ITFG1: variants seen among roughly 807,000 people sequenced by gnomAD.
The protein encoded by ITFG1 is T-cell immunomodulatory protein.
Under a neutral mutation model 81.8 loss-of-function variants are expected in ITFG1, and 34 were observed. The ratio of observed to expected loss-of-function variants is 0.42; its 90% CI spans 0.32 to 0.55. The LOEUF is 0.55. Ranked by LOEUF, ITFG1 falls within the 20% of genes least tolerant of loss-of-function variation. The pLI is 0.17. For missense variants in ITFG1, 672 were observed against 755.4 expected (o/e 0.89, Z 1.29); for synonymous variants, 285 against 270.6 (o/e 1.05, Z -0.52).
chr16:47,254,536 C>T (rs749552670), intron 12 of ITFG1, among the ~76,000 whole-genome samples: 9 of 152,068 alleles, frequency 5.9e-5, no homozygotes, highest in Non-Finnish European at 1.3e-4. Context: ...GCAGTGGAGT[C>T]GCAGGCCCTC....
intron 6 of ITFG1, among the ~76,000 whole-genome samples, chr16:47,422,549 T>C (rs913262419): frequency 6.6e-6 from 1 of 152,296 alleles, no homozygotes; most frequent in South Asian, 2.1e-4. Context: ...TTGATTGAAA[T>C]AGTTTCAGAA....
At chr16:47,419,845 C>T (rs562663118) in intron 6 of ITFG1, among the ~76,000 whole-genome samples, 4 of 152,050 alleles carry the variant, frequency 2.6e-5, no homozygotes, top group South Asian at 2.1e-4. Context: ...ACAAGTGATC[C>T]GCCCACCCCG....
At chr16:47,346,021 C>A (rs1347845819) in intron 8 of ITFG1, among the ~76,000 whole-genome samples, 1 of 152,126 alleles carries the variant, frequency 6.6e-6, no homozygotes, top group Non-Finnish European at 1.5e-5. Context: ...ACAAAACAGA[C>A]CTAACAGATA....
chr16:47,218,883 G>T lies in ITFG1; in HGVS notation c.1438C>A (p.Leu480Met). Residue 480 changes from leucine to methionine, a missense_variant, in exon 14 of 18, where the codon CTG becomes ATG. Coordinates refer to ENST00000320640, the MANE Select transcript of ITFG1 (RefSeq NM_030790.5). ...MYTTVDANGY[L>M]KNGSAGQLSQ... ...CTGGTCTTACCTGATCCATTTTTCA[G>T]ATACCCATTTGCATCTACAGTTGTA... 6.3e-7 allele frequency: 1 copy of T among 1,594,544 alleles called. No homozygotes were observed. The highest frequency in any genetic ancestry group is 8.6e-7 in the Non-Finnish European group (1 of 1,169,036).
chr16:47,397,513 A>G (rs1968608043), intron 6 of ITFG1, among the ~76,000 whole-genome samples: 1 of 152,244 alleles, frequency 6.6e-6, no homozygotes, highest in Admixed American at 6.5e-5. Context: ...AGGTAGAACA[A>G]TGATTCTCAA....
At chr16:47,293,797 T>C (rs1966945457) in intron 10 of ITFG1, among the ~76,000 whole-genome samples, 1 of 152,132 alleles carries the variant, frequency 6.6e-6, no homozygotes. Flanking sequence ...TAAAAATATT[T>C]TCTCCCATTT....
rs1964672836 is a variant in ITFG1 at position 47,154,487 on chromosome 16, A to G, written c.*1232T>C. The G allele has an allele frequency of 6.6e-6, 1 of 152,192 alleles. No individual in the cohort carries two copies. The highest frequency in any genetic ancestry group is 6.5e-5 in the Admixed American group (1 of 15,286). The allele number at this position is 152,192 out of a possible 1,614,324, so 9.4% of individuals were successfully genotyped here. Reference sequence around the variant, plus strand: ...TCAGTGAACTATAAAGAAAAAAATAAGAACAAAATTGTTTTCAGAGAAATT... The same window carrying G: ...TCAGTGAACTATAAAGAAAAAAATAGGAACAAAATTGTTTTCAGAGAAATT... On this transcript the variant is annotated 3_prime_UTR_variant, in exon 18 of 18. Coordinates refer to ENST00000320640, the MANE Select transcript of ITFG1 (RefSeq NM_030790.5).
chr16:47,395,733 T>C (rs1473699869), intron 6 of ITFG1, among the ~76,000 whole-genome samples: 1 of 152,240 alleles, frequency 6.6e-6, no homozygotes, highest in Non-Finnish European at 1.5e-5. Context: ...CGGCACCATA[T>C]ACTGTTTTTA....
At chr16:47,316,853 C>A (rs1017788560) in intron 8 of ITFG1, among the ~76,000 whole-genome samples, 1 of 152,154 alleles carries the variant, frequency 6.6e-6, no homozygotes, top group Non-Finnish European at 1.5e-5. Context: ...GAAATAATGT[C>A]TCTTTGTGAG....
At chr16:47,301,521 C>T (rs1027993040) in intron 10 of ITFG1, among the ~76,000 whole-genome samples, 3 of 151,832 alleles carry the variant, frequency 2.0e-5, no homozygotes, top group Non-Finnish European at 2.9e-5. Flanking sequence ...CTCAGCCTCC[C>T]GAGTAGGTGG....
chr16:47,368,237 T>TAAAAA (rs1197857958), intron 7 of ITFG1, among the ~76,000 whole-genome samples: 2 of 77,992 alleles, frequency 2.6e-5, no homozygotes, highest in African/African-American at 4.6e-5. Context: ...CCGTCTCAAT[T>TAAAAA]AAAAAAAAAA....
chr16:47,455,551 T>C (rs1233004734), intron 2 of ITFG1, among the ~76,000 whole-genome samples: 3 of 151,916 alleles, frequency 2.0e-5, no homozygotes, highest in South Asian at 2.1e-4. Context: ...GGTGGATCAC[T>C]TGAGGTCAGG....
At chr16:47,364,840 C>T (rs929861393) in intron 8 of ITFG1, among the ~76,000 whole-genome samples, 3 of 152,162 alleles carry the variant, frequency 2.0e-5, no homozygotes, top group African/African-American at 7.2e-5. Flanking sequence ...GAACAAAAAA[C>T]ATGTAAGTCC....
chr16:47,443,453 G>T (rs1285340007), intron 5 of ITFG1, among the ~76,000 whole-genome samples: 1 of 152,162 alleles, frequency 6.6e-6, no homozygotes, highest in Non-Finnish European at 1.5e-5. Flanking sequence ...GCACACGTAT[G>T]TTTATTGCGA....
intron 12 of ITFG1, among the ~76,000 whole-genome samples, chr16:47,248,349 G>A (rs1223279571): frequency 6.6e-6 from 1 of 152,036 alleles, no homozygotes; most frequent in Admixed American, 6.6e-5. Flanking sequence ...TACTTTTCCT[G>A]ACTTTCCAAA....
At chr16:47,161,890 AT>A (rs1411127892) in intron 15 of ITFG1, 58 bp from the exon 16 acceptor site, 1 of 985,296 alleles carries the variant, frequency 1.0e-6, no homozygotes, top group African/African-American at 1.6e-5. Flanking sequence ...CACAATTATT[AT>A]TCTAAATAAA....
chr16:47,362,144 C>G (rs951925808), intron 8 of ITFG1, among the ~76,000 whole-genome samples: 7 of 152,154 alleles, frequency 4.6e-5, no homozygotes, highest in Non-Finnish European at 1.0e-4. Flanking sequence ...AGTGTCAAAC[C>G]AATCAGCAAA....
At chr16:47,249,628 C>A (rs1370296398) in intron 12 of ITFG1, among the ~76,000 whole-genome samples, 5 of 152,060 alleles carry the variant, frequency 3.3e-5, no homozygotes, top group Admixed American at 1.3e-4. Context: ...ATGTGAAATA[C>A]TGGTTATTAG....
intron 10 of ITFG1, among the ~76,000 whole-genome samples, chr16:47,310,849 C>T (rs1967246830): frequency 6.6e-6 from 1 of 152,112 alleles, no homozygotes; most frequent in Non-Finnish European, 1.5e-5. Flanking sequence ...TGACCAAAGT[C>T]ACACAGATGG....
Sources: gnomAD v4.1 joint callset for allele counts (sites outside exome capture counted in the v4.1 genomes callset) on GRCh38, gnomAD v4.1.1 for gene constraint, MANE v1.5 for transcripts, NCBI Gene and HGNC (gene_info 2026-07-23, HGNC 2026-07-21) for gene names.